CNTNAP4: variants seen among roughly 807,000 people sequenced by gnomAD.
CNTNAP4 encodes contactin-associated protein-like 4.
A neutral mutation model predicts 148.4 loss-of-function variants in CNTNAP4; 98 were observed. The ratio of observed to expected loss-of-function variants is 0.66; its 90% confidence interval spans 0.56 to 0.78. The LOEUF (loss-of-function observed/expected upper bound fraction) is 0.78. Among genes scored for constraint, CNTNAP4 ranks in the 30% least tolerant of loss-of-function variants. The probability of loss-of-function intolerance (pLI) is 0.00; values close to 1 mark genes in which losing one functional copy is unlikely to be tolerated. For missense variants in CNTNAP4, 1,935 were observed against 1,565.6 expected, an observed-to-expected ratio of 1.24 and a Z score of -3.98; for synonymous variants, 730 against 565.1, an observed-to-expected ratio of 1.29 and a Z score of -4.14.
rs186561670 is a variant in CNTNAP4, at chr16:76,470,395, C to A, written c.1655+2872C>A. Among the ~76,000 whole-genome samples, 276 of 150,568 alleles carry A rather than the reference C, an allele frequency of 1.8e-3. 1 individual carries two copies. The highest frequency in any genetic ancestry group is 3.4e-3 in the Non-Finnish European group (231 of 67,950). ...GTGACTCACACCTGTAATCCCAGCA[C>A]TTTGGGAGGCCAAGACGGGTGGATC... On this transcript the variant is annotated intron_variant, in intron 10 of 23. Transcript: ENST00000611870.
At chr16:76,530,924 C>A (rs2083955996) in intron 17 of CNTNAP4, among the ~76,000 whole-genome samples, 1 of 152,170 alleles carries the variant, frequency 6.6e-6, no homozygotes, top group African/African-American at 2.4e-5. Flanking sequence ...TAGAAGACAA[C>A]TTTTTCCCTT....
At chr16:76,353,574 G>A (rs1263842671) in intron 2 of CNTNAP4, among the ~76,000 whole-genome samples, 1 of 152,106 alleles carries the variant, frequency 6.6e-6, no homozygotes, top group African/African-American at 2.4e-5. Flanking sequence ...CAGACAACTA[G>A]GGGTGTCCTA....
chr16:76,346,142 C>A (rs1041604593), intron 2 of CNTNAP4, among the ~76,000 whole-genome samples: 1 of 152,056 alleles, frequency 6.6e-6, no homozygotes, highest in Non-Finnish European at 1.5e-5. Flanking sequence ...AATACTTAAG[C>A]CCAGAGGTAA....
intron 3 of CNTNAP4, among the ~76,000 whole-genome samples, chr16:76,371,021 G>A (rs1483467935): frequency 6.6e-6 from 1 of 152,136 alleles, no homozygotes; most frequent in Admixed American, 6.5e-5. Flanking sequence ...GAAAAATGCT[G>A]AACCATTGGT....
intron 18 of CNTNAP4, among the ~76,000 whole-genome samples, chr16:76,537,902 T>G (rs891823644): frequency 1.3e-5 from 2 of 152,126 alleles, no homozygotes; most frequent in African/African-American, 4.8e-5. Context: ...TGTAAAATTA[T>G]ACTAGTGCAT....
At chr16:76,290,940 G>A (rs538697538) in intron 1 of CNTNAP4, among the ~76,000 whole-genome samples, 1 of 152,248 alleles carries the variant, frequency 6.6e-6, no homozygotes, top group East Asian at 1.9e-4. Flanking sequence ...TGTGTCTTAT[G>A]TGGCCTTTCC....
intron 3 of CNTNAP4, among the ~76,000 whole-genome samples, chr16:76,379,848 C>T (rs2015791127): frequency 6.6e-6 from 1 of 152,076 alleles, no homozygotes; most frequent in African/African-American, 2.4e-5. Context: ...CTGTTCTGTT[C>T]CTGGGTTAAT....
chr16:76,489,643 A>T, intron 12 of CNTNAP4, 43 bp from the exon 13 acceptor site: 1 of 1,108,142 alleles, frequency 9.0e-7, no homozygotes, highest in Non-Finnish European at 1.2e-6. Flanking sequence ...TTTGCAGACT[A>T]GTGATGGTCT....
At chr16:76,505,516 G>A (rs1260734741) in intron 15 of CNTNAP4, among the ~76,000 whole-genome samples, 3 of 97,132 alleles carry the variant, frequency 3.1e-5, no homozygotes, top group African/African-American at 7.7e-5. Flanking sequence ...ACTTTGTCAG[G>A]TGAACAAAAT....
rs1568489075 is a variant in CNTNAP4 at position 76,521,266 on chromosome 16, T to C, written c.2492T>C (p.Leu831Ser). The C allele has an allele frequency of 2.5e-6, 4 of 1,612,918 alleles. No homozygotes were observed. The highest frequency in any genetic ancestry group is 3.4e-6 in the Non-Finnish European group (4 of 1,179,432). ...FKTTASSGVFLENLGIADFIR... is the reference protein window; with the variant it reads ...FKTTASSGVFSENLGIADFIR... ...ACAACAGCTTCATCTGGGGTATTTT[T>C]AGAGAACTTGGGGATTGCTGATTTT... Residue 831 changes from leucine to serine, a missense_variant, in exon 16 of 24, where the codon TTA (leucine) becomes TCA (serine). By Grantham distance (145) the Leu-to-Ser change is moderately radical. Transcript: ENST00000611870.
intron 3 of CNTNAP4, among the ~76,000 whole-genome samples, chr16:76,386,928 G>A (rs1002719413): frequency 6.6e-5 from 10 of 152,150 alleles, no homozygotes; most frequent in African/African-American, 2.4e-4. Context: ...TATGCAATCT[G>A]TGAATGACTC....
chr16:76,467,977 C>G (rs1481909928), intron 10 of CNTNAP4, among the ~76,000 whole-genome samples: 1 of 152,130 alleles, frequency 6.6e-6, no homozygotes, highest in Non-Finnish European at 1.5e-5. Flanking sequence ...CAGCTGGTTG[C>G]ACTTCTCCTA....
chr16:76,394,616 A>G (rs530746091), intron 3 of CNTNAP4, among the ~76,000 whole-genome samples: 1 of 152,298 alleles, frequency 6.6e-6, no homozygotes, highest in Non-Finnish European at 1.5e-5. Context: ...AGTGAGGTTT[A>G]TAATGAAAGT....
At chr16:76,382,830 A>G (rs1055961855) in intron 3 of CNTNAP4, among the ~76,000 whole-genome samples, 1 of 152,162 alleles carries the variant, frequency 6.6e-6, no homozygotes, top group Admixed American at 6.5e-5. Context: ...CAAATATACA[A>G]ATAAATTGGG....
chr16:76,531,851 G>A (rs780170307), intron 17 of CNTNAP4, among the ~76,000 whole-genome samples: 7 of 152,166 alleles, frequency 4.6e-5, no homozygotes, highest in South Asian at 2.1e-4. Context: ...GTCATTTAGA[G>A]TGTGGCTTAA....
chr16:76,506,420 CTT>C (rs2082836504), intron 15 of CNTNAP4, among the ~76,000 whole-genome samples: 1 of 80,626 alleles, frequency 1.2e-5, no homozygotes, highest in Non-Finnish European at 3.5e-5. Context: ...TCCTCCCTTC[CTT>C]CCTCCCTTCC....
intron 3 of CNTNAP4, among the ~76,000 whole-genome samples, chr16:76,388,493 T>G (rs1026564304): frequency 2.6e-5 from 4 of 152,182 alleles, no homozygotes; most frequent in African/African-American, 9.7e-5. Flanking sequence ...TGATATGGAT[T>G]TCTAGTGTTT....
At chr16:76,461,223 CATT>C (rs2080948524) in intron 8 of CNTNAP4, among the ~76,000 whole-genome samples, 1 of 152,028 alleles carries the variant, frequency 6.6e-6, no homozygotes, top group South Asian at 2.1e-4. Context: ...TTAAAGAAAA[CATT>C]ATTTACAGTA....
chr16:76,355,093 T>A (rs780242399), intron 2 of CNTNAP4, among the ~76,000 whole-genome samples: 2 of 152,184 alleles, frequency 1.3e-5, no homozygotes, highest in African/African-American at 4.8e-5. Context: ...TCTCCCAGTT[T>A]TAGAAGGCTA....
Sources: gnomAD v4.1 joint callset for allele counts (sites outside exome capture counted in the v4.1 genomes callset) on GRCh38, gnomAD v4.1.1 for gene constraint, MANE v1.5 for transcripts, NCBI Gene and HGNC (gene_info 2026-07-23, HGNC 2026-07-21) for gene names.